The following ZSCAN32 variants were observed in gnomAD, a reference collection of about 807,000 sequenced individuals.
ZSCAN32 encodes zinc finger and SCAN domain containing 32, also known as zinc finger and SCAN domain-containing protein 32.
ZSCAN32 carries 52 observed loss-of-function variants against 47.4 expected under a neutral mutation model. The observed-to-expected ratio is 1.10, with a 90% CI of 0.88 to 1.38. The LOEUF is 1.38. Ranked by LOEUF, ZSCAN32 falls within the 40% of genes most tolerant of loss-of-function variation. The probability of loss-of-function intolerance (pLI) is 0.00; values close to 1 mark genes in which losing one functional copy is unlikely to be tolerated. For missense variants in ZSCAN32, 959 were observed against 846.0 expected (o/e 1.13, Z -1.66); for synonymous variants, 346 against 305.7 (o/e 1.13, Z -1.38).
chr16:3,394,121 C>A (rs1214453949), intron 2 of ZSCAN32, among the ~76,000 whole-genome samples: 1 of 152,048 alleles, frequency 6.6e-6, no homozygotes, highest in Non-Finnish European at 1.5e-5. Context: ...CAAACATTAG[C>A]TGGGTGTAGT....
chr16:3,391,540 G>A (rs1463554120), intron 3 of ZSCAN32, among the ~76,000 whole-genome samples: 7 of 152,038 alleles, frequency 4.6e-5, no homozygotes, highest in Admixed American at 6.6e-5. Flanking sequence ...TTAGCCGGGC[G>A]TGGTGGCAGG....
chr16:3,384,258 G>C (rs1337531191), intron 6 of ZSCAN32: 1 of 663,338 alleles, frequency 1.5e-6, no homozygotes, highest in East Asian at 2.7e-5. Flanking sequence ...TTAGTTGAAA[G>C]AGGTTGGCAA....
At chr16:3,397,115 C>T (rs1463271670) in intron 2 of ZSCAN32, 77 bp downstream of exon 2, 4 of 1,459,830 alleles carry the variant, frequency 2.7e-6, no homozygotes, top group African/African-American at 2.9e-5. Context: ...TGTTTCTCAA[C>T]CAAGCACCTC....
Position 3,393,785 on chromosome 16 carries a change from T to G in ZSCAN32, c.396A>C (p.Val132=), listed in dbSNP as rs1374077778. The stretch of plus-strand genomic sequence containing the variant: ...CCAAAGGGGCCATCTCCTTCATGAG[T>G]ACTTTCAAGTCCTTCTCAGAATCTA... The part of the protein sequence containing the change: ...QVLDSEKDLK[V]LMKEMAPLGA... The change falls in exon 3 of 7, where the codon GTA becomes GTC. Residue 132 remains valine, a synonymous_variant. Transcript: ENST00000396852. 6.5e-7 allele frequency: 1 copy of G among 1,549,886 alleles called. No homozygotes were observed. The highest frequency in any genetic ancestry group is 8.7e-7 in the Non-Finnish European group (1 of 1,146,540).
In ZSCAN32 at chr16:3,393,784, G is replaced by A. The variant is rs1310052146; in HGVS notation, c.397C>T (p.Leu133Phe). The change falls in exon 3 of 7, where the codon CTC (leucine) becomes TTC (phenylalanine). Residue 133 changes from leucine to phenylalanine, a missense_variant. Leu to Phe is a conservative substitution (Grantham distance 22). Coordinates refer to ENST00000396852, the MANE Select transcript of ZSCAN32 (RefSeq NM_001284527.2). ...CCCAAAGGGGCCATCTCCTTCATGA[G>A]TACTTTCAAGTCCTTCTCAGAATCT... ...VLDSEKDLKV[L>F]MKEMAPLGAT... The A allele has an allele frequency of 3.2e-6, 5 of 1,549,832 alleles. No homozygotes were observed. The highest frequency in any genetic ancestry group is 2.4e-5 in the South Asian group (2 of 84,016).
Position 3,382,788 on chromosome 16 carries a change from C to T in ZSCAN32, c.*64G>A. The T allele has an allele frequency of 6.6e-7, 1 of 1,517,850 alleles. No homozygotes were observed. The highest frequency in any genetic ancestry group is 8.8e-7 in the Non-Finnish European group (1 of 1,133,306). 94.0% of individuals were successfully genotyped at this position (1,517,850 alleles called of 1,614,324 possible). A position where few individuals can be genotyped will look rare whatever the true frequency, so the allele number is the denominator to read the frequency against. The stretch of plus-strand genomic sequence containing the variant: ...AAGTCAGGGACTGGCTAGATCTCTC[C>T]ACAGCAGAAGAAAGCTCATACATGC... On this transcript the variant is annotated 3_prime_UTR_variant, in exon 7 of 7. Coordinates refer to ENST00000396852, the MANE Select transcript of ZSCAN32 (RefSeq NM_001284527.2).
In ZSCAN32 at chr16:3,383,143, C is replaced by T. The variant is rs753089410; in HGVS notation, c.1803G>A (p.Gly601=). 1.2e-6 allele frequency: 2 copies of T among 1,614,128 alleles called. No individual in the cohort carries two copies. The highest frequency in any genetic ancestry group is 1.3e-5 in the African/African-American group (1 of 75,028). Residue 601 remains glycine, a synonymous_variant, in exon 7 of 7, where the codon GGG becomes GGA. Coordinates refer to ENST00000396852, the MANE Select transcript of ZSCAN32 (RefSeq NM_001284527.2). Reference sequence around the variant, plus strand: ...AGACAATGCACTGGTAAGGCTTTTCCCCGGTATGGGTCCTCTGGTGGACAA... The same window carrying T: ...AGACAATGCACTGGTAAGGCTTTTCTCCGGTATGGGTCCTCTGGTGGACAA... The part of the protein sequence containing the change: ...SLIVHQRTHT[G]EKPYQCIVCG...
rs149766170 is a variant in ZSCAN32 at position 3,392,871 on chromosome 16, G to C, written c.532+778C>G. Among the ~76,000 whole-genome samples the C allele has an allele frequency of 1.6e-3, 237 of 151,208 alleles. 1 individual carries two copies. Among genetic ancestry groups the C allele is most frequent in the African/African-American group, 5.4e-3 (221 of 41,252 alleles). On this transcript the variant is annotated intron_variant, in intron 3 of 6. Transcript: ENST00000396852. ...AAGTTTTCTAAAAAAATTAAGACAA[G>C]TAAAAACAAAAAATAGAGCTCTGGA... is the stretch of plus-strand genomic sequence containing the variant.
chr16:3,385,008 T>G, intron 5 of ZSCAN32, 67 bp from the exon 6 acceptor site: 1 of 1,523,762 alleles, frequency 6.6e-7, no homozygotes, highest in South Asian at 1.3e-5. Flanking sequence ...CATACTGCAG[T>G]GTGCAGTTTT....
chr16:3,383,029 C>T lies in ZSCAN32; in HGVS notation c.1917G>A (p.Gly639=), dbSNP rs756829893. ...AGTGGGAGCTATTGTTGAAGATTTT[C>T]CCACACACTGCACACTTGTATGGGC... The part of the protein sequence containing the change: ...GESPYKCAVC[G]KIFNNSSHFS... Residue 639 remains glycine (G), a synonymous_variant, in exon 7 of 7, where the codon GGG becomes GGA. Coordinates refer to ENST00000396852, the MANE Select transcript of ZSCAN32 (RefSeq NM_001284527.2). 1 of 1,614,028 alleles carries T rather than the reference C, an allele frequency of 6.2e-7. No homozygotes were observed. Among genetic ancestry groups the T allele is most frequent in the Non-Finnish European group, 8.5e-7 (1 of 1,179,940 alleles).
At chr16:3,386,384 G>A (rs1246393398) in intron 5 of ZSCAN32, among the ~76,000 whole-genome samples, 2 of 152,006 alleles carry the variant, frequency 1.3e-5, no homozygotes, top group African/African-American at 2.4e-5. Flanking sequence ...TCAGTGTCGC[G>A]ATTCCTCAGG....
intron 5 of ZSCAN32, 140 bp downstream of exon 5, chr16:3,389,870 C>G (rs1009966139): frequency 9.5e-6 from 8 of 840,758 alleles, no homozygotes; most frequent in Non-Finnish European, 1.5e-5. Context: ...CTGGCCTGCT[C>G]TGGTTCCCCA....
chr16:3,390,170 A>G (rs2032510328), intron 4 of ZSCAN32, 37 bp from the exon 5 acceptor site: 1 of 1,565,964 alleles, frequency 6.4e-7, no homozygotes, highest in Non-Finnish European at 8.7e-7. Flanking sequence ...CCGATAAAAT[A>G]GCACCACTCT....
chr16:3,384,903 G>C lies in ZSCAN32; in HGVS notation c.790C>G (p.Leu264Val), dbSNP rs776987633. Reference sequence around the variant, plus strand: ...TGAGAACTACTAAGAATAGCCAGGAGCGTCTTGGTCTCTTCATAGCCCCAG... The same window carrying C: ...TGAGAACTACTAAGAATAGCCAGGACCGTCTTGGTCTCTTCATAGCCCCAG... ...VPWGYEETKT[L>V]LAILSSSQFY... Residue 264 changes from leucine (L) to valine (V), a missense_variant, in exon 6 of 7, where the codon CTC becomes GTC. By Grantham distance (32) the Leu-to-Val change is conservative. Coordinates refer to ENST00000396852, the MANE Select transcript of ZSCAN32 (RefSeq NM_001284527.2). The C allele has an allele frequency of 6.2e-7, 1 of 1,614,082 alleles. No homozygotes were observed. Among genetic ancestry groups the C allele is most frequent in the East Asian group, 2.2e-5 (1 of 44,884 alleles).
chr16:3,390,505 G>A lies in ZSCAN32; in HGVS notation c.545C>T (p.Pro182Leu), dbSNP rs370450805. 472 of 1,548,928 alleles carry A rather than the reference G, an allele frequency of 3.0e-4. 5 individuals carry two copies. The South Asian group carries it at 5.4e-3, about 18-fold the overall frequency. Reference protein sequence around the residue: ...PGEQSEAWLAPQAPRNLPQNT... With the variant: ...PGEQSEAWLALQAPRNLPQNT... Reference sequence around the variant, plus strand: ...TTGAGGCAGGTTCCTGGGAGCCTGAGGAGCAAGCCAGGCTGGGGGAAAAAA... The same window carrying A: ...TTGAGGCAGGTTCCTGGGAGCCTGAAGAGCAAGCCAGGCTGGGGGAAAAAA... Residue 182 changes from proline (P) to leucine (L), a missense_variant, in exon 4 of 7, where the codon CCT (proline) becomes CTT (leucine). Physicochemically the swap from Pro to Leu is moderately conservative, Grantham distance 98 (BLOSUM62 -3). Coordinates refer to ENST00000396852, the MANE Select transcript of ZSCAN32 (RefSeq NM_001284527.2).
chr16:3,390,018 A>T lies in ZSCAN32; in HGVS notation c.743T>A (p.Val248Asp). 6.2e-7 allele frequency: 1 copy of T among 1,612,288 alleles called. No homozygotes were observed. Among genetic ancestry groups the T allele is most frequent in the South Asian group, 1.1e-5 (1 of 90,664 alleles). Reference sequence around the variant, plus strand: ...GGAAGATGGATCCTTACCCAGCGAGACGTGACTGTCCTTCCTCTGGGTGGC... The same window carrying T: ...GGAAGATGGATCCTTACCCAGCGAGTCGTGACTGTCCTTCCTCTGGGTGGC... ...RGATQRKDSH[V>D]SLATGVPWGY... The change falls in exon 5 of 7, where the codon GTC becomes GAC. Residue 248 changes from valine (V) to aspartate (D), a missense_variant. Coordinates refer to ENST00000396852, the MANE Select transcript of ZSCAN32 (RefSeq NM_001284527.2).
Position 3,390,136 on chromosome 16 carries a change from G to A in ZSCAN32, c.628-3C>T. On this transcript the variant is annotated splice_region_variant and splice_polypyrimidine_tract_variant and intron_variant, in intron 4 of 6. Coordinates refer to ENST00000396852, the MANE Select transcript of ZSCAN32 (RefSeq NM_001284527.2). ...CTGTTGTCACGCATGGCTGGTCCCTGTAACAACACTGGAGCTGCTGCTACC... is the reference window on the plus strand; with the variant it reads ...CTGTTGTCACGCATGGCTGGTCCCTATAACAACACTGGAGCTGCTGCTACC... 3 of 1,606,116 alleles carry A rather than the reference G, an allele frequency of 1.9e-6. No homozygotes were observed. In the South Asian group the frequency reaches 3.3e-5, roughly 18 times the overall value.
At position 3,384,720 on chromosome 16, in the gene ZSCAN32, C is replaced by A; in HGVS notation, c.973G>T (p.Val325Leu). The change falls in exon 6 of 7, where the codon GTG becomes TTG. Residue 325 changes from valine (V) to leucine (L), a missense_variant. By Grantham distance (32) the Val-to-Leu change is conservative (BLOSUM62 1). Transcript: ENST00000396852. Reference protein sequence around the residue: ...LSYRKVRRGRVPEPCIFYEEM... With the variant: ...LSYRKVRRGRLPEPCIFYEEM... ...TCATAAAAGATACAAGGCTCAGGCA[C>A]ACGGCCTCTCCTCACTTTGCGGTAA... The A allele has an allele frequency of 6.2e-7, 1 of 1,614,178 alleles. No individual in the cohort carries two copies. Among genetic ancestry groups the A allele is most frequent in the Non-Finnish European group, 8.5e-7 (1 of 1,180,036 alleles).
intron 5 of ZSCAN32, 73 bp downstream of exon 5, chr16:3,389,937 C>G: frequency 6.9e-7 from 1 of 1,448,194 alleles, no homozygotes; most frequent in Non-Finnish European, 9.3e-7. Flanking sequence ...GTCTCCCTCC[C>G]TCTCAAGTCC....
Sources: gnomAD v4.1 joint callset for allele counts (sites outside exome capture counted in the v4.1 genomes callset) on GRCh38, gnomAD v4.1.1 for gene constraint, MANE v1.5 for transcripts, NCBI Gene and HGNC (gene_info 2026-07-23, HGNC 2026-07-21) for gene names.